Variants in FSIP2 observed in about 807,000 individuals in gnomAD.
FSIP2 encodes fibrous sheath interacting protein 2.
FSIP2 carries 367 observed loss-of-function variants against 510.5 expected under a neutral mutation model. That is an observed-to-expected ratio of 0.72 (90% CI 0.66 to 0.78). The LOEUF is 0.78. FSIP2 is among the 30% of genes least tolerant of loss of function. The pLI is 0.00. For missense variants in FSIP2, 7,594 were observed against 7,901.7 expected, an observed-to-expected ratio of 0.96 and a Z score of 1.48; for synonymous variants, 2,601 against 2,732.2, an observed-to-expected ratio of 0.95 and a Z score of 1.50.
In FSIP2 at chr2:185,808,105, T is replaced by G. The variant is rs757229365; in HGVS notation, c.18799T>G (p.Tyr6267Asp). Reference protein sequence around the residue: ...YTSVLKHSGSYTSVFKDLMGK... With the variant: ...YTSVLKHSGSDTSVFKDLMGK... ...CAGTGTTTTAAAGCACTCTGGCTCT[T>G]ATACTTCTGTATTTAAAGATTTAAT... Residue 6267 changes from tyrosine to aspartate, a missense_variant, in exon 17 of 23, where the codon TAT becomes GAT. Coordinates refer to ENST00000424728, the MANE Select transcript of FSIP2 (RefSeq NM_173651.4). The G allele has an allele frequency of 6.2e-7, 1 of 1,605,354 alleles. No individual in the cohort carries two copies. Among genetic ancestry groups the G allele is most frequent in the Non-Finnish European group, 8.5e-7 (1 of 1,176,870 alleles).
At position 185,746,770 on chromosome 2, in the gene FSIP2, A is replaced by G. The variant is rs575621896; in HGVS notation, c.719A>G (p.His240Arg). Residue 240 changes from histidine to arginine, a missense_variant, in exon 6 of 23, where the codon CAC becomes CGC. Physicochemically the swap from His to Arg is conservative, Grantham distance 29. Transcript: ENST00000424728. The stretch of plus-strand genomic sequence containing the variant: ...AGAGAAGAAAGACGACAGCGGGAAC[A>G]CACAAGAAGAAAACTTACTCTTCGT... The part of the protein sequence containing the change: ...MDREERRQRE[H>R]TRRKLTLRRK... 12 of 1,528,660 alleles carry G rather than the reference A, an allele frequency of 7.9e-6. No homozygotes were observed. Among genetic ancestry groups the G allele is most frequent in the Middle Eastern group, 3.4e-4 (2 of 5,940 alleles). 94.7% of individuals were successfully genotyped at this position (1,528,660 alleles called of 1,614,324 possible). A position where few individuals can be genotyped will look rare whatever the true frequency, so the allele number is the denominator to read the frequency against.
chr2:185,806,868 G>T lies in FSIP2; in HGVS notation c.17562G>T (p.Gln5854His), dbSNP rs760132750. 1 of 1,608,498 alleles carries T rather than the reference G, an allele frequency of 6.2e-7. No individual in the cohort carries two copies. The highest frequency in any genetic ancestry group is 1.1e-5 in the South Asian group (1 of 90,064). ...IKVFRPDKGN[Q>H]FPGGKVSSVP... ...TTTTCAGGCCAGATAAGGGAAATCAGTTCCCTGGGGGTAAAGTGTCTTCAG... is the reference window on the plus strand; with the variant it reads ...TTTTCAGGCCAGATAAGGGAAATCATTTCCCTGGGGGTAAAGTGTCTTCAG... The change falls in exon 17 of 23, where the codon CAG becomes CAT. Residue 5854 changes from glutamine (Q) to histidine (H), a missense_variant. Physicochemically the swap from Gln to His is conservative, Grantham distance 24. Transcript: ENST00000424728.
In FSIP2 at chr2:185,802,673, G is replaced by A. The variant is rs1313309913; in HGVS notation, c.13367G>A (p.Ser4456Asn). 2 of 1,533,508 alleles carry A rather than the reference G, an allele frequency of 1.3e-6. No homozygotes were observed. Among genetic ancestry groups the A allele is most frequent in the East Asian group, 2.4e-5 (1 of 40,834 alleles). 95.0% of individuals were successfully genotyped at this position (1,533,508 alleles called of 1,614,324 possible). Residue 4456 changes from serine to asparagine, a missense_variant, in exon 17 of 23, where the codon AGT (serine) becomes AAT (asparagine). Transcript: ENST00000424728. ...AGTAAATCTACTGAGCCAAGCCAGA[G>A]TGTACCTCTATATAACACCTTGCTG... ...NISKSTEPSQ[S>N]VPLYNTLLPY...
chr2:185,780,651 A>G (rs1304361778), intron 13 of FSIP2, among the ~76,000 whole-genome samples: 2 of 151,944 alleles, frequency 1.3e-5, no homozygotes, highest in East Asian at 3.8e-4. Context: ...TTTGAGGTCT[A>G]ATTTTAATAT....
chr2:185,783,929 A>AAAAT (rs1295845623), intron 14 of FSIP2: 1 of 152,146 alleles, frequency 6.6e-6, no homozygotes, highest in African/African-American at 2.4e-5. Flanking sequence ...AGCTTGATGA[A>AAAAT]AAATAAAGAA....
intron 7 of FSIP2, among the ~76,000 whole-genome samples, chr2:185,747,858 C>CT (rs1047161473): frequency 6.6e-6 from 1 of 152,014 alleles, no homozygotes; most frequent in Admixed American, 6.6e-5. Flanking sequence ...ACCCTATCAA[C>CT]TTTTTAGTTC....
At chr2:185,765,359 T>A (rs1191496468) in intron 13 of FSIP2, 4 of 152,162 alleles carry the variant, frequency 2.6e-5, no homozygotes, top group Non-Finnish European at 5.9e-5. Context: ...TCTTTCTACA[T>A]ATGGCTAGCC....
In FSIP2 at chr2:185,796,414, T is replaced by A. The variant is rs1435308943; in HGVS notation, c.9278T>A (p.Ile3093Asn). Residue 3093 changes from isoleucine (I) to asparagine (N), a missense_variant, in exon 16 of 23, where the codon ATT (isoleucine) becomes AAT (asparagine). Ile to Asn is a moderately radical substitution (Grantham distance 149, BLOSUM62 -3). Transcript: ENST00000424728. ...ATCATCAGTGACATGCTTGCTGTAA[T>A]TAAGAACAAGCTAGACAACGAAATA... ...VNIISDMLAV[I>N]KNKLDNEISQ... The A allele has an allele frequency of 6.5e-7, 1 of 1,534,014 alleles. No homozygotes were observed. The highest frequency in any genetic ancestry group is 1.4e-5 in the African/African-American group (1 of 72,894).
intron 8 of FSIP2, among the ~76,000 whole-genome samples, chr2:185,755,447 A>G (rs754708251): frequency 2.6e-5 from 4 of 151,762 alleles, no homozygotes; most frequent in Middle Eastern, 3.4e-3. Context: ...TAGCTTAAAC[A>G]TTTGTTATTT....
rs1371549737 is a variant in FSIP2 at position 185,799,740 on chromosome 2, A to G, written c.10434A>G (p.Lys3478=). The change falls in exon 17 of 23, where the codon AAA becomes AAG. Residue 3478 remains lysine (K), a synonymous_variant. Transcript: ENST00000424728. ...EKMSVSTWSR[K]KYESKQFLRN... ...TGTCTGTTTCTACATGGTCAAGGAA[A>G]AAATATGAATCAAAACAGTTCCTAA... 1 of 1,471,356 alleles carries G rather than the reference A, an allele frequency of 6.8e-7. No homozygotes were observed. Among genetic ancestry groups the G allele is most frequent in the East Asian group, 2.5e-5 (1 of 39,888 alleles). The allele number at this position is 1,471,356 out of a possible 1,614,324, so 91.1% of individuals were successfully genotyped here. A position where few individuals can be genotyped will look rare whatever the true frequency, so the allele number is the denominator to read the frequency against.
chr2:185,802,478 T>C lies in FSIP2; in HGVS notation c.13172T>C (p.Val4391Ala). ...ALKQHGLDLA[V>A]DKESEDSGIF... ...AAGCAGCATGGGCTAGACCTTGCTGTTGATAAAGAGTCTGAAGACAGTGGC... is the reference window on the plus strand; with the variant it reads ...AAGCAGCATGGGCTAGACCTTGCTGCTGATAAAGAGTCTGAAGACAGTGGC... Residue 4391 changes from valine (V) to alanine (A), a missense_variant, in exon 17 of 23, where the codon GTT becomes GCT. Physicochemically the swap from Val to Ala is moderately conservative, Grantham distance 64 (BLOSUM62 0). Coordinates refer to ENST00000424728, the MANE Select transcript of FSIP2 (RefSeq NM_173651.4). 1 of 1,533,556 alleles carries C rather than the reference T, an allele frequency of 6.5e-7. No homozygotes were observed. The highest frequency in any genetic ancestry group is 8.7e-7 in the Non-Finnish European group (1 of 1,145,246). 95.0% of individuals were successfully genotyped at this position (1,533,556 alleles called of 1,614,324 possible). A position where few individuals can be genotyped will look rare whatever the true frequency, so the allele number is the denominator to read the frequency against.
intron 17 of FSIP2, 51 bp downstream of exon 17, chr2:185,809,184 C>T: frequency 1.3e-6 from 2 of 1,497,534 alleles, no homozygotes; most frequent in Non-Finnish European, 1.8e-6. Context: ...AGACATGGTT[C>T]TTCTGTGATT....
chr2:185,807,772 G>A lies in FSIP2; in HGVS notation c.18466G>A (p.Asp6156Asn), dbSNP rs1235614392. Residue 6156 changes from aspartate (D) to asparagine (N), a missense_variant, in exon 17 of 23, where the codon GAT (aspartate) becomes AAT (asparagine). Asp to Asn is a conservative substitution (Grantham distance 23). Coordinates refer to ENST00000424728, the MANE Select transcript of FSIP2 (RefSeq NM_173651.4). ...VENIVEKILKDVFQTTDVPLP... is the reference protein window; with the variant it reads ...VENIVEKILKNVFQTTDVPLP... ...AAACATCGTTGAAAAGATCCTTAAA[G>A]ATGTTTTCCAAACTACTGATGTGCC... is the stretch of plus-strand genomic sequence containing the variant. 2 of 1,612,510 alleles carry A rather than the reference G, an allele frequency of 1.2e-6. No homozygotes were observed. Among genetic ancestry groups the A allele is most frequent in the Admixed American group, 3.3e-5 (2 of 59,816 alleles).
Position 185,747,408 on chromosome 2 carries a change from AGAG to A in FSIP2, c.856_858del (p.Glu286del). On this transcript the variant is annotated inframe_deletion, in exon 7 of 23. Coordinates refer to ENST00000424728, the MANE Select transcript of FSIP2 (RefSeq NM_173651.4). ...AAGAACAACAGCATAGAAACAGAGA[AGAG>A]AGTGACAGGAAGGTAGGGTGAGCTT... 1 of 1,511,660 alleles carries A rather than the reference AGAG, an allele frequency of 6.6e-7. No individual in the cohort carries two copies. Among genetic ancestry groups the A allele is most frequent in the Non-Finnish European group, 8.9e-7 (1 of 1,124,574 alleles). The allele number at this position is 1,511,660 out of a possible 1,614,324, so 93.6% of individuals were successfully genotyped here. A position where few individuals can be genotyped will look rare whatever the true frequency, so the allele number is the denominator to read the frequency against.
In FSIP2 at chr2:185,738,823, C is replaced by CA; in HGVS notation, c.-71dup. The stretch of plus-strand genomic sequence containing the variant: ...CTGGCCATTCCTGGTCAGGTCCGGA[C>CA]AGAGGGACAACGGGGTGCTAGAGAA... On this transcript the variant is annotated 5_prime_UTR_variant, in exon 1 of 23. Transcript: ENST00000424728. 1 of 1,535,916 alleles carries CA rather than the reference C, an allele frequency of 6.5e-7. No individual in the cohort carries two copies. Among genetic ancestry groups the CA allele is most frequent in the Non-Finnish European group, 8.7e-7 (1 of 1,146,808 alleles).
chr2:185,773,193 T>C (rs1425279411), intron 13 of FSIP2, among the ~76,000 whole-genome samples: 3 of 152,170 alleles, frequency 2.0e-5, no homozygotes, highest in Non-Finnish European at 1.5e-5. Flanking sequence ...AGTTTAGTGG[T>C]GATGAACTCC....
At position 185,773,003 on chromosome 2, in the gene FSIP2, G is replaced by T. The variant is rs180737504; in HGVS notation, c.1411+8438G>T. On this transcript the variant is annotated intron_variant, in intron 13 of 22. Transcript: ENST00000424728. The stretch of plus-strand genomic sequence containing the variant: ...AGCTTCCCAAATAGCTGAGACTACA[G>T]ACACATGCCACCATACCAGCTAGTT... 3.3e-5 allele frequency among the ~76,000 whole-genome samples: 5 copies of T among 152,118 alleles called. No homozygotes were observed. The East Asian group carries it at 9.7e-4, about 29-fold the overall frequency.
intron 20 of FSIP2, among the ~76,000 whole-genome samples, chr2:185,825,979 C>T (rs1265179439): frequency 2.6e-5 from 4 of 151,830 alleles, no homozygotes; most frequent in African/African-American, 9.7e-5. Flanking sequence ...TGTATTTCTA[C>T]TGTACTTTAT....
Position 185,791,285 on chromosome 2 carries a change from A to T in FSIP2, c.4149A>T (p.Pro1383=). The T allele has an allele frequency of 2.0e-6, 3 of 1,534,140 alleles. No individual in the cohort carries two copies. Among genetic ancestry groups the T allele is most frequent in the Non-Finnish European group, 2.6e-6 (3 of 1,145,546 alleles). The change falls in exon 16 of 23, where the codon CCA becomes CCT. Residue 1383 remains proline, a synonymous_variant. Coordinates refer to ENST00000424728, the MANE Select transcript of FSIP2 (RefSeq NM_173651.4). Reference sequence around the variant, plus strand: ...GCATTTCACTCTCTTCTCGTAAGCCAAAGTCTGCAACTGACAGTGTTGATG... The same window carrying T: ...GCATTTCACTCTCTTCTCGTAAGCCTAAGTCTGCAACTGACAGTGTTGATG... The part of the protein sequence containing the change: ...QRSISLSSRK[P]KSATDSVDVQ...
Sources: gnomAD v4.1 joint callset for allele counts (sites outside exome capture counted in the v4.1 genomes callset) on GRCh38, gnomAD v4.1.1 for gene constraint, MANE v1.5 for transcripts, NCBI Gene and HGNC (gene_info 2026-07-23, HGNC 2026-07-21) for gene names.